Variants in IL34 observed in about 807,000 individuals in gnomAD.
The protein encoded by IL34 is interleukin-34.
In IL34, 17 loss-of-function variants were observed where a neutral mutation model predicts 25.3. The ratio of observed to expected loss-of-function variants is 0.67; its 90% CI spans 0.46 to 1.01. The LOEUF (loss-of-function observed/expected upper bound fraction) is 1.01. IL34 is among the 50% of genes least tolerant of loss of function. The pLI, the probability that IL34 is intolerant of heterozygous loss-of-function variation, is 0.00. For missense variants in IL34, 368 were observed against 312.9 expected (o/e 1.18, Z -1.33); for synonymous variants, 174 against 140.9 (o/e 1.23, Z -1.66).
intron 1 of IL34, among the ~76,000 whole-genome samples, chr16:70,637,065 T>C (rs998642165): frequency 3.3e-5 from 5 of 151,920 alleles, no homozygotes; most frequent in African/African-American, 1.2e-4. Flanking sequence ...TTTTACTGTG[T>C]TAGCCAGGAT....
At position 70,619,189 on chromosome 16, in the gene IL34, T is replaced by A. The variant is rs369569392; in HGVS notation, c.-400-27359T>A. ...CGAGTGATAACAGGCTTTAATCTTT[T>A]TAAAGCGTGCTGCGGGATGGGATAT... is the stretch of plus-strand genomic sequence containing the variant. On this transcript the variant is annotated intron_variant, in intron 1 of 6. Transcript: ENST00000429149. 3.3e-5 allele frequency among the ~76,000 whole-genome samples: 5 copies of A among 152,156 alleles called. No homozygotes were observed. In the East Asian group the frequency reaches 9.6e-4, roughly 29 times the overall value.
intron 1 of IL34, among the ~76,000 whole-genome samples, chr16:70,582,875 G>A (rs534958985): frequency 6.6e-6 from 1 of 152,296 alleles, no homozygotes; most frequent in African/African-American, 2.4e-5. Context: ...ATGGCTCCAT[G>A]CTTAAGGATG....
chr16:70,652,241 A>G (rs1461244945), intron 1 of IL34, among the ~76,000 whole-genome samples: 1 of 152,162 alleles, frequency 6.6e-6, no homozygotes, highest in Non-Finnish European at 1.5e-5. Flanking sequence ...GCATCACTTG[A>G]GCATAGGAGT....
intron 4 of IL34, 170 bp downstream of exon 4, chr16:70,657,291 T>C (rs2052256580): frequency 1.0e-5 from 7 of 679,552 alleles, no homozygotes; most frequent in South Asian, 9.8e-5. Flanking sequence ...AAGAGGCCTG[T>C]GGAAGGAAGA....
At chr16:70,589,381 T>C (rs1381597462) in intron 1 of IL34, among the ~76,000 whole-genome samples, 1 of 152,106 alleles carries the variant, frequency 6.6e-6, no homozygotes, top group Non-Finnish European at 1.5e-5. Context: ...TCTGTTCCTC[T>C]CCCTCCTCCC....
chr16:70,648,351 T>G (rs1257898954), intron 1 of IL34, among the ~76,000 whole-genome samples: 3 of 150,070 alleles, frequency 2.0e-5, no homozygotes, highest in African/African-American at 4.9e-5. Context: ...AGGCCAGGAG[T>G]TTGAAACCAG....
intron 1 of IL34, among the ~76,000 whole-genome samples, chr16:70,636,715 G>A (rs1479596326): frequency 3.9e-5 from 6 of 151,934 alleles, no homozygotes; most frequent in Non-Finnish European, 8.8e-5. Context: ...GCTGCAGTGA[G>A]CCTGATTGTG....
At chr16:70,611,143 TAA>T (rs887699341) in intron 1 of IL34, among the ~76,000 whole-genome samples, 3 of 152,178 alleles carry the variant, frequency 2.0e-5, no homozygotes, top group Non-Finnish European at 4.4e-5. Flanking sequence ...CACGCCTGTC[TAA>T]TTTTTCTGTT....
At chr16:70,598,177 C>G (rs2050852370) in intron 1 of IL34, among the ~76,000 whole-genome samples, 1 of 152,064 alleles carries the variant, frequency 6.6e-6, no homozygotes, top group Non-Finnish European at 1.5e-5. Context: ...GTCTGAGATG[C>G]TTCTCCATCT....
chr16:70,655,850 A>G (rs2052205249), intron 2 of IL34, among the ~76,000 whole-genome samples: 1 of 152,200 alleles, frequency 6.6e-6, no homozygotes, highest in East Asian at 1.9e-4. Context: ...CTGGGATTAC[A>G]GGCGTGAGCC....
Position 70,617,797 on chromosome 16 carries a change from A to G in IL34, c.-400-28751A>G, listed in dbSNP as rs554400875. Among the ~76,000 whole-genome samples, 18 of 152,120 alleles carry G rather than the reference A, an allele frequency of 1.2e-4. No individual in the cohort carries two copies. The South Asian group carries it at 3.5e-3, about 30-fold the overall frequency. ...AAACTGCTTGGCTGATTTGACTAAT[A>G]AAGGCTCGTCTGTTATCAGACTGTA... is the stretch of plus-strand genomic sequence containing the variant. On this transcript the variant is annotated intron_variant, in intron 1 of 6. Coordinates refer to the IL34 transcript ENST00000429149.
At chr16:70,648,677 G>T (rs994206146) in intron 1 of IL34, among the ~76,000 whole-genome samples, 1 of 151,988 alleles carries the variant, frequency 6.6e-6, no homozygotes, top group African/African-American at 2.4e-5. Flanking sequence ...GGATGAGGGA[G>T]AGGGAGAGCA....
intron 1 of IL34, among the ~76,000 whole-genome samples, chr16:70,587,257 G>A (rs755786699): frequency 3.3e-5 from 5 of 152,122 alleles, no homozygotes; most frequent in African/African-American, 7.2e-5. Flanking sequence ...CCACACAGCC[G>A]CAGACAGCGC....
chr16:70,624,574 C>G (rs2051350165), intron 1 of IL34, among the ~76,000 whole-genome samples: 1 of 152,148 alleles, frequency 6.6e-6, no homozygotes, highest in South Asian at 2.1e-4. Context: ...AAGTCATGAA[C>G]TGGGCTGGAT....
chr16:70,619,973 G>A (rs1004901921), intron 1 of IL34, among the ~76,000 whole-genome samples: 4 of 152,112 alleles, frequency 2.6e-5, no homozygotes, highest in Non-Finnish European at 5.9e-5. Flanking sequence ...TGGCCGCTGC[G>A]GTTCAGGAGT....
chr16:70,656,855 C>T (rs1220268314), intron 3 of IL34, 105 bp from the exon 4 acceptor site: 109 of 1,298,564 alleles, frequency 8.4e-5, no homozygotes, highest in Middle Eastern at 2.7e-4. Context: ...CCACAGCGGA[C>T]GGCCCGCGTC....
chr16:70,651,174 G>A (rs2052069118), intron 1 of IL34, among the ~76,000 whole-genome samples: 2 of 152,218 alleles, frequency 1.3e-5, no homozygotes, highest in South Asian at 2.1e-4. Context: ...AGACCCTGGC[G>A]TGGTGATGGG....
intron 1 of IL34, among the ~76,000 whole-genome samples, chr16:70,647,528 G>T (rs1199642548): frequency 6.6e-6 from 1 of 152,216 alleles, no homozygotes; most frequent in African/African-American, 2.4e-5. Flanking sequence ...AAAAGGATCT[G>T]GAAGCCTCTT....
intron 1 of IL34, among the ~76,000 whole-genome samples, chr16:70,582,014 T>A (rs1283975813): frequency 6.6e-6 from 1 of 152,184 alleles, no homozygotes; most frequent in African/African-American, 2.4e-5. Flanking sequence ...TAAGGTCTGG[T>A]GCTTAACAAG....
Sources: allele counts gnomAD v4.1 joint callset (sites outside exome capture counted in the v4.1 genomes callset), GRCh38; gene constraint gnomAD v4.1.1; transcripts MANE v1.5; gene names NCBI Gene and HGNC (gene_info 2026-07-23, HGNC 2026-07-21).